Variants in EZR observed in about 807,000 individuals in gnomAD.
EZR encodes ezrin.
In EZR, 40 loss-of-function variants were observed where a neutral mutation model predicts 74.8. The observed-to-expected ratio is 0.53, with a 90% CI of 0.42 to 0.70. The LOEUF is 0.70. EZR is among the 30% of genes least tolerant of loss of function. The pLI is 0.00. For synonymous variants in EZR, 341 were observed against 283.3 expected (o/e 1.20, Z -2.05); for missense variants, 678 against 755.8 (o/e 0.90, Z 1.21).
chr6:158,771,568 T>G (rs949562810), intron 8 of EZR, among the ~76,000 whole-genome samples, 161 bp from the exon 9 acceptor site: 1 of 152,032 alleles, frequency 6.6e-6, no homozygotes, highest in South Asian at 2.1e-4. Flanking sequence ...CCAGGACAGA[T>G]GGAGGAAGGG....
intron 12 of EZR, among the ~76,000 whole-genome samples, chr6:158,768,931 G>A (rs1791005898): frequency 6.6e-6 from 1 of 152,172 alleles, no homozygotes; most frequent in Admixed American, 6.5e-5. Context: ...CTAGCTGCAG[G>A]AGGTCGTGTT....
At chr6:158,775,034 CTTTTTTTTTT>C (rs397732491) in intron 8 of EZR, among the ~76,000 whole-genome samples, 2 of 121,550 alleles carry the variant, frequency 1.6e-5, no homozygotes, top group African/African-American at 6.4e-5. Context: ...AGCAGGAGCC[CTTTTTTTTTT>C]TTTTTTTTGA....
chr6:158,804,603 A>G (rs1019824389), intron 2 of EZR, among the ~76,000 whole-genome samples: 8 of 152,204 alleles, frequency 5.3e-5, no homozygotes, highest in Non-Finnish European at 1.0e-4. Flanking sequence ...GTAAGGGACA[A>G]GGCCAAGATG....
intron 2 of EZR, among the ~76,000 whole-genome samples, chr6:158,798,147 C>T (rs118041007): frequency 1.9e-3 from 288 of 152,322 alleles, no homozygotes; most frequent in Middle Eastern, 0.014. Context: ...CATGTTGTAG[C>T]ATGTACCAGC....
rs1562502463 is a variant in EZR, at chr6:158,799,778, G to GCA, written c.13-10408_13-10407insTG. On this transcript the variant is annotated intron_variant, in intron 2 of 13. Coordinates refer to ENST00000367075, the MANE Select transcript of EZR (RefSeq NM_001111077.2). ...CAAGGCAGGCAAAGCAGAAAAGCCCGAGAGGCAAGTGAATTGTCTGTAGGT... is the reference window on the plus strand; with the variant it reads ...CAAGGCAGGCAAAGCAGAAAAGCCCGCAAGAGGCAAGTGAATTGTCTGTAGGT... 9.9e-5 allele frequency among the ~76,000 whole-genome samples: 15 copies of GCA among 152,164 alleles called. 1 individual carries two copies. Among genetic ancestry groups the GCA allele is most frequent in the Admixed American group, 9.1e-4 (14 of 15,306 alleles).
intron 2 of EZR, among the ~76,000 whole-genome samples, chr6:158,801,667 A>G (rs1056826273): frequency 1.1e-4 from 16 of 152,232 alleles, no homozygotes; most frequent in Non-Finnish European, 2.2e-4. Flanking sequence ...TAGGAATAAT[A>G]AAATCATCCA....
intron 10 of EZR, 54 bp downstream of exon 10, chr6:158,770,710 T>C (rs1225199236): frequency 1.9e-6 from 3 of 1,610,746 alleles, no homozygotes; most frequent in Non-Finnish European, 2.5e-6. Context: ...TGGCCCCTGC[T>C]ACTCTGTGGA....
intron 2 of EZR, among the ~76,000 whole-genome samples, chr6:158,808,107 G>T (rs1401500515): frequency 6.6e-6 from 1 of 152,182 alleles, no homozygotes. Flanking sequence ...TTGTACAGGT[G>T]TACCTAACAT....
intron 2 of EZR, among the ~76,000 whole-genome samples, chr6:158,815,660 C>G (rs536607109): frequency 2.6e-5 from 4 of 152,244 alleles, no homozygotes; most frequent in Non-Finnish European, 4.4e-5. Context: ...GAAACAGAGT[C>G]TATGTTGGCC....
In EZR at chr6:158,774,672, A is replaced by AACACACACAC. The variant is rs56400693; in HGVS notation, c.795+1726_795+1735dup. Among the ~76,000 whole-genome samples the AACACACACAC allele has an allele frequency of 6.9e-3, 977 of 142,498 alleles. 21 individuals carry two copies. In the East Asian group the frequency reaches 0.075, roughly 11 times the overall value. 93.5% of individuals were successfully genotyped at this position (142,498 alleles called of 152,430 possible). ...TTTTCAAGAGATGGACTTATCATCAAACACACACACACACACACACACACA... is the reference window on the plus strand; with the variant it reads ...TTTTCAAGAGATGGACTTATCATCAAACACACACACACACACACACACACACACACACACA... On this transcript the variant is annotated intron_variant, in intron 8 of 13. Transcript: ENST00000367075.
At chr6:158,792,760 A>C (rs1791778356) in intron 2 of EZR, among the ~76,000 whole-genome samples, 1 of 151,216 alleles carries the variant, frequency 6.6e-6, no homozygotes, top group Non-Finnish European at 1.5e-5. Context: ...GCTTGCAGTG[A>C]GCCAAGATCG....
intron 2 of EZR, among the ~76,000 whole-genome samples, chr6:158,798,802 T>C (rs1480992667): frequency 6.6e-6 from 1 of 152,002 alleles, no homozygotes; most frequent in African/African-American, 2.4e-5. Context: ...CTAATTTTTC[T>C]ATTTTTTGTA....
intron 11 of EZR, 148 bp downstream of exon 11, chr6:158,769,636 C>T (rs2128564516): frequency 7.9e-7 from 1 of 1,262,736 alleles, no homozygotes; most frequent in Non-Finnish European, 1.1e-6. Flanking sequence ...AACAGCCCAG[C>T]CCCTTCCCCA....
chr6:158,809,511 C>A (rs1462948996), intron 2 of EZR, among the ~76,000 whole-genome samples: 1 of 152,220 alleles, frequency 6.6e-6, no homozygotes, highest in East Asian at 1.9e-4. Context: ...CACCCAAACA[C>A]CAGCTTTGTT....
At chr6:158,774,669 TCAAACACACACA>T (rs1791215653) in intron 8 of EZR, among the ~76,000 whole-genome samples, 2 of 73,654 alleles carry the variant, frequency 2.7e-5, no homozygotes, top group African/African-American at 1.1e-4. Context: ...GGACTTATCA[TCAAACACACACA>T]CACACACACA....
At chr6:158,771,515 A>G (rs967052910) in intron 8 of EZR, 108 bp from the exon 9 acceptor site, 4 of 1,218,710 alleles carry the variant, frequency 3.3e-6, no homozygotes, top group Non-Finnish European at 3.4e-6. Flanking sequence ...CAAATGTAGC[A>G]GAACAGGGAT....
chr6:158,805,534 T>G (rs1425384162), intron 2 of EZR, among the ~76,000 whole-genome samples: 1 of 152,138 alleles, frequency 6.6e-6, no homozygotes, highest in Admixed American at 6.5e-5. Flanking sequence ...TAGACAAGAT[T>G]TGAACTCACC....
Position 158,774,804 on chromosome 6 carries a change from T to C in EZR, c.795+1604A>G, listed in dbSNP as rs116462559. On this transcript the variant is annotated intron_variant, in intron 8 of 13. Transcript: ENST00000367075. The stretch of plus-strand genomic sequence containing the variant: ...CTGAAAAGGCAGTAGCGTCACAGAG[T>C]ACGTAGTAGCCTACTGATGAAGAGA... 9.0e-3 allele frequency among the ~76,000 whole-genome samples: 1,356 copies of C among 151,412 alleles called. 15 individuals are homozygous for C. Among genetic ancestry groups the C allele is most frequent in the African/African-American group, 0.031 (1,290 of 41,194 alleles).
intron 8 of EZR, among the ~76,000 whole-genome samples, chr6:158,772,220 ACTCAT>A (rs1791132780): frequency 6.6e-6 from 1 of 151,598 alleles, no homozygotes; most frequent in African/African-American, 2.4e-5. Flanking sequence ...CCACACATTC[ACTCAT>A]CTCTTATCTT....
Sources: allele counts gnomAD v4.1 joint callset (sites outside exome capture counted in the v4.1 genomes callset), GRCh38; gene constraint gnomAD v4.1.1; transcripts MANE v1.5; gene names NCBI Gene and HGNC (gene_info 2026-07-23, HGNC 2026-07-21).